Variants in PTPRG observed in about 807,000 individuals in gnomAD.
PTPRG encodes the protein protein tyrosine phosphatase receptor type G.
A neutral mutation model predicts 165.3 loss-of-function variants in PTPRG; 102 were observed. That is an observed-to-expected ratio of 0.62 (90% confidence interval 0.53 to 0.73). The LOEUF is 0.73. PTPRG is among the 30% of genes least tolerant of loss of function. The pLI, the probability that PTPRG is intolerant of heterozygous loss-of-function variation, is 0.00. For synonymous variants in PTPRG, 675 were observed against 669.5 expected (o/e 1.01, Z -0.13); for missense variants, 1,866 against 1,861.4 (o/e 1.00, Z -0.05).
At chr3:62,182,134 G>A (rs72874696) in intron 8 of PTPRG, among the ~76,000 whole-genome samples, 10 of 152,232 alleles carry the variant, frequency 6.6e-5, no homozygotes, top group African/African-American at 2.4e-4. Flanking sequence ...TCATCACAAG[G>A]GTCTTCATCC....
At chr3:62,148,502 A>G (rs1243359327) in intron 6 of PTPRG, among the ~76,000 whole-genome samples, 1 of 152,184 alleles carries the variant, frequency 6.6e-6, no homozygotes, top group African/African-American at 2.4e-5. Context: ...GCCCACGACT[A>G]TAATCCTAGC....
chr3:61,803,188 T>A (rs2035299651), intron 2 of PTPRG, among the ~76,000 whole-genome samples: 2 of 152,192 alleles, frequency 1.3e-5, no homozygotes, highest in African/African-American at 4.8e-5. Flanking sequence ...ACACATGTAA[T>A]TTAAAATTTT....
intron 4 of PTPRG, among the ~76,000 whole-genome samples, chr3:62,050,383 A>G (rs182254957): frequency 2.0e-5 from 3 of 152,374 alleles, no homozygotes; most frequent in Admixed American, 1.3e-4. Context: ...TAGGAGCAGT[A>G]GGCTATACCA....
chr3:62,271,067 G>C lies in PTPRG; in HGVS notation c.3010-316G>C, dbSNP rs1702043991. ...GATCTGGACTTGGGGCAGAAAGTCA[G>C]GAAATGGAGGCCTTGCAGGAAAAGT... On this transcript the variant is annotated intron_variant, in intron 20 of 29. Coordinates refer to ENST00000474889, the MANE Select transcript of PTPRG (RefSeq NM_002841.4). This position sits in a 1 kb window ranked among gnomAD's most constrained non-coding sequence, Gnocchi z 4.1. Among the ~76,000 whole-genome samples the C allele has an allele frequency of 6.6e-6, 1 of 152,122 alleles. No homozygotes were observed. The highest frequency in any genetic ancestry group is 2.1e-4 in the South Asian group (1 of 4,816).
chr3:62,291,032 T>C (rs1421736194), intron 28 of PTPRG, among the ~76,000 whole-genome samples: 1 of 152,108 alleles, frequency 6.6e-6, no homozygotes, highest in African/African-American at 2.4e-5. Flanking sequence ...AACTCCTATA[T>C]AAATCATTTT....
chr3:61,614,454 G>T (rs553457022), intron 1 of PTPRG, among the ~76,000 whole-genome samples: 1 of 100,290 alleles, frequency 1.0e-5, no homozygotes, highest in African/African-American at 3.7e-5. Context: ...ATCTTTCCCA[G>T]GCTGGAGTGC....
rs115892327 is a variant in PTPRG at position 62,141,889 on chromosome 3, A to C, written c.682+9221A>C. Reference sequence around the variant, plus strand: ...GCACTCCAGCCTGGGTGACAGGGCAAAACTGTCTCAAAAAAAAAGAAGACA... The same window carrying C: ...GCACTCCAGCCTGGGTGACAGGGCACAACTGTCTCAAAAAAAAAGAAGACA... On this transcript the variant is annotated intron_variant, in intron 6 of 29. Transcript: ENST00000474889. Among the ~76,000 whole-genome samples, 708 of 151,984 alleles carry C rather than the reference A, an allele frequency of 4.7e-3. 4 individuals carry two copies. The highest frequency in any genetic ancestry group is 0.015 in the African/African-American group (616 of 41,448).
chr3:62,134,581 A>G (rs1424630762), intron 6 of PTPRG, among the ~76,000 whole-genome samples: 1 of 152,208 alleles, frequency 6.6e-6, no homozygotes, highest in East Asian at 1.9e-4. Context: ...TTTCTTAAGT[A>G]TCCTATCAAA....
At chr3:61,563,226 C>T (rs1432028856) in intron 1 of PTPRG, among the ~76,000 whole-genome samples, 1 of 152,174 alleles carries the variant, frequency 6.6e-6, no homozygotes, top group African/African-American at 2.4e-5. Flanking sequence ...GCGCGCCCTG[C>T]CTACCTTCAT....
At chr3:62,068,574 C>G (rs1308741779) in intron 4 of PTPRG, among the ~76,000 whole-genome samples, 1 of 152,154 alleles carries the variant, frequency 6.6e-6, no homozygotes, top group Non-Finnish European at 1.5e-5. Context: ...CTCCTGGGCT[C>G]AAGTGATCCT....
At chr3:62,291,773 A>C (rs1419781312) in intron 28 of PTPRG, among the ~76,000 whole-genome samples, 1 of 152,130 alleles carries the variant, frequency 6.6e-6, no homozygotes, top group Non-Finnish European at 1.5e-5. Context: ...ATTCTTGTGA[A>C]AAGTGGAGTT....
chr3:62,281,744 ACCTGGGC>A, intron 27 of PTPRG, 35 bp downstream of exon 27: 1 of 1,564,318 alleles, frequency 6.4e-7, no homozygotes, highest in South Asian at 1.2e-5. Flanking sequence ...TAATAGCCAT[ACCTGGGC>A]CCTGGATCAT....
chr3:62,155,161 T>C (rs1333023588), intron 6 of PTPRG, among the ~76,000 whole-genome samples: 1 of 152,246 alleles, frequency 6.6e-6, no homozygotes, highest in African/African-American at 2.4e-5. Context: ...TAGAACCCTA[T>C]GATTTGAAGA....
intron 2 of PTPRG, among the ~76,000 whole-genome samples, chr3:61,904,197 A>G (rs114975996): frequency 1.5e-3 from 231 of 152,210 alleles, no homozygotes; most frequent in African/African-American, 5.3e-3. Flanking sequence ...AGGGGCTTTC[A>G]TCCGCCTCAG....
At chr3:62,125,404 G>C (rs941160590) in intron 5 of PTPRG, among the ~76,000 whole-genome samples, 6 of 152,152 alleles carry the variant, frequency 3.9e-5, no homozygotes, top group African/African-American at 1.4e-4. Context: ...GAGTGCCCCT[G>C]AGTAGCTTTT....
chr3:62,249,283 C>A (rs1701357191), intron 15 of PTPRG, among the ~76,000 whole-genome samples: 1 of 152,078 alleles, frequency 6.6e-6, no homozygotes, highest in Admixed American at 6.6e-5. Flanking sequence ...TGAATTTGGC[C>A]TCTGAGAGAC....
chr3:61,753,584 G>GTTTTTTT, intron 2 of PTPRG: 4 of 350,940 alleles, frequency 1.1e-5, no homozygotes, highest in East Asian at 1.3e-4. Flanking sequence ...GAAATTTGAG[G>GTTTTTTT]GTTTTTTTTT....
chr3:61,624,892 C>A (rs1701565122), intron 1 of PTPRG, among the ~76,000 whole-genome samples: 1 of 152,102 alleles, frequency 6.6e-6, no homozygotes, highest in African/African-American at 2.4e-5. Context: ...AGATAACGGA[C>A]ATTTACTGTC....
intron 24 of PTPRG, chr3:62,276,766 C>T: frequency 1.8e-6 from 1 of 548,450 alleles, no homozygotes. Context: ...TCCTACAATG[C>T]CTGTGTCCTT....
Sources: allele counts gnomAD v4.1 joint callset (sites outside exome capture counted in the v4.1 genomes callset), GRCh38; gene constraint gnomAD v4.1.1; non-coding constraint Gnocchi (gnomAD v3.1); transcripts MANE v1.5; gene names NCBI Gene and HGNC (gene_info 2026-07-23, HGNC 2026-07-21).